Variants in NUP160 observed in about 807,000 individuals in gnomAD.
NUP160 encodes the protein nucleoporin 160.
A neutral mutation model predicts 196.9 loss-of-function variants in NUP160; 94 were observed. That is an observed-to-expected ratio of 0.48 (90% confidence interval 0.40 to 0.57). The LOEUF (loss-of-function observed/expected upper bound fraction) is 0.57. NUP160 is among the 20% of genes least tolerant of loss of function. NUP160 has a pLI of 0.00. For synonymous variants in NUP160, 605 were observed against 619.7 expected, an observed-to-expected ratio of 0.98 and a Z score of 0.35; for missense variants, 1,638 against 1,748.3, an observed-to-expected ratio of 0.94 and a Z score of 1.13.
chr11:47,837,504 A>G, intron 5 of NUP160, 41 bp downstream of exon 5: 1 of 1,467,496 alleles, frequency 6.8e-7, no homozygotes, highest in Non-Finnish European at 9.5e-7. Flanking sequence ...AAAAAGATTA[A>G]ATTCTTGGGC....
chr11:47,810,822 A>T (rs1403579749), intron 17 of NUP160, among the ~76,000 whole-genome samples: 2 of 152,180 alleles, frequency 1.3e-5, no homozygotes, highest in African/African-American at 4.8e-5. Context: ...CTGGGATTAC[A>T]GGTGTGAGCC....
intron 7 of NUP160, among the ~76,000 whole-genome samples, chr11:47,827,617 G>C (rs1346983704): frequency 1.3e-5 from 2 of 152,014 alleles, no homozygotes; most frequent in Non-Finnish European, 2.9e-5. Flanking sequence ...AGAAGGCTGA[G>C]GTGGGAGAAT....
intron 2 of NUP160, among the ~76,000 whole-genome samples, 189 bp downstream of exon 2, chr11:47,847,659 A>AGG (rs1852426152): frequency 5.7e-5 from 4 of 70,182 alleles, no homozygotes; most frequent in Non-Finnish European, 8.1e-5. Context: ...GGGGGGGGGG[A>AGG]GGGGGAGAGG....
chr11:47,821,068 T>C (rs1482269911), intron 9 of NUP160, among the ~76,000 whole-genome samples: 1 of 152,094 alleles, frequency 6.6e-6, no homozygotes, highest in African/African-American at 2.4e-5. Flanking sequence ...ACAAAGGCTA[T>C]AGTATCCTAA....
chr11:47,840,263 G>T, intron 3 of NUP160, 115 bp downstream of exon 3: 1 of 939,112 alleles, frequency 1.1e-6, no homozygotes, highest in Non-Finnish European at 1.7e-6. Context: ...TATGCTTGGT[G>T]AGGGATAACG....
chr11:47,827,232 C>T, intron 7 of NUP160: 1 of 440,624 alleles, frequency 2.3e-6, no homozygotes, highest in Non-Finnish European at 4.5e-6. Flanking sequence ...TGTGTGGTCG[C>T]ACACACCTGT....
chr11:47,802,440 A>C (rs1341516804), intron 22 of NUP160, among the ~76,000 whole-genome samples: 6 of 152,098 alleles, frequency 3.9e-5, no homozygotes, highest in Non-Finnish European at 7.4e-5. Context: ...CTGTCTCCAA[A>C]AAAAAAAGAA....
At chr11:47,841,663 A>G (rs534077409) in intron 2 of NUP160, 4 of 327,218 alleles carry the variant, frequency 1.2e-5, no homozygotes, top group Non-Finnish European at 2.5e-5. Flanking sequence ...GGCTCTAAGG[A>G]GCATGTACCA....
intron 17 of NUP160, 99 bp downstream of exon 17, chr11:47,811,965 A>G (rs2097681395): frequency 3.8e-6 from 4 of 1,055,292 alleles, no homozygotes; most frequent in Non-Finnish European, 1.4e-6. Context: ...AACCAAGACA[A>G]AAGTATCTGT....
intron 21 of NUP160, 110 bp from the exon 22 acceptor site, chr11:47,803,646 G>A: frequency 2.9e-6 from 2 of 678,106 alleles, no homozygotes; most frequent in Non-Finnish European, 5.3e-6. Context: ...TTGAACAAAT[G>A]TTTTATTTCC....
rs750504247 is a variant in NUP160, at chr11:47,812,355, A to G, written c.2027T>C (p.Ile676Thr). 5 of 1,613,846 alleles carry G rather than the reference A, an allele frequency of 3.1e-6. No individual in the cohort carries two copies. The African/African-American group carries it at 4.0e-5, about 13-fold the overall frequency. ...TTCTGTTTCATAATCCATTTCCCGT[A>G]TAAGTAGTCCAATTGCATGGATTGG... The change falls in exon 16 of 36, where the codon ATA (isoleucine) becomes ACA (threonine). Residue 676 changes from isoleucine (I) to threonine (T), a missense_variant. Physicochemically the swap from Ile to Thr is moderately conservative, Grantham distance 89 (BLOSUM62 -1). Coordinates refer to ENST00000378460, the Ensembl canonical transcript of NUP160.
At chr11:47,833,385 G>A (rs547250717) in intron 7 of NUP160, among the ~76,000 whole-genome samples, 1 of 151,652 alleles carries the variant, frequency 6.6e-6, no homozygotes, top group Non-Finnish European at 1.5e-5. Context: ...AACCCAGGAG[G>A]CAGAGGTTGC....
intron 13 of NUP160, 174 bp downstream of exon 13, chr11:47,815,305 G>GA (rs1417657084): frequency 2.3e-6 from 1 of 429,604 alleles, no homozygotes; most frequent in East Asian, 3.6e-5. Context: ...TTAAATGAAT[G>GA]AATCACAATT....
intron 4 of NUP160, 49 bp downstream of exon 4, chr11:47,839,794 T>C: frequency 6.8e-7 from 1 of 1,461,484 alleles, no homozygotes; most frequent in Non-Finnish European, 9.6e-7. Context: ...TGTTTCAATG[T>C]TAACATTCCT....
At chr11:47,813,124 A>C in intron 14 of NUP160, 77 bp from the exon 15 acceptor site, 1 of 1,129,210 alleles carries the variant, frequency 8.9e-7, no homozygotes, top group Non-Finnish European at 1.3e-6. Flanking sequence ...TAAAATGTTA[A>C]TAATTAAATG....
intron 19 of NUP160, among the ~76,000 whole-genome samples, chr11:47,806,852 C>CACATATATAT (rs1428564239): frequency 2.4e-5 from 3 of 124,252 alleles, no homozygotes; most frequent in African/African-American, 6.3e-5. Context: ...CACACACACA[C>CACATATATAT]ATATATATAC....
intron 15 of NUP160, 70 bp from the exon 16 acceptor site, chr11:47,812,499 G>T: frequency 7.1e-7 from 1 of 1,399,002 alleles, no homozygotes; most frequent in Non-Finnish European, 9.8e-7. Flanking sequence ...TGTCCTATAA[G>T]CTAAATACAT....
chr11:47,817,909 A>C lies in NUP160; in HGVS notation c.1431+147T>G, dbSNP rs980172166. The C allele has an allele frequency of 1.5e-5, 8 of 548,862 alleles. No individual in the cohort carries two copies. In the Admixed American group the frequency reaches 2.6e-4, roughly 18 times the overall value. The allele number at this position is 548,862 out of a possible 1,614,324, so 34.0% of individuals were successfully genotyped here. On this transcript the variant is annotated intron_variant, in intron 11 of 35. Transcript: ENST00000378460. ...CTGTATTTAATGGAAAGAACATTAA[A>C]AAAATTATAAAAGTATTTACAAACA...
intron 9 of NUP160, chr11:47,821,453 G>A: frequency 2.9e-6 from 1 of 343,164 alleles, no homozygotes; most frequent in Non-Finnish European, 5.3e-6. Context: ...CGCCTCCTGG[G>A]TTCAAGCGAT....
Sources: gnomAD v4.1 joint callset for allele counts (sites outside exome capture counted in the v4.1 genomes callset) on GRCh38, gnomAD v4.1.1 for gene constraint, MANE v1.5 for transcripts, NCBI Gene and HGNC (gene_info 2026-07-23, HGNC 2026-07-21) for gene names.